The following MCC variants were observed in gnomAD, a reference collection of about 807,000 sequenced individuals.
MCC encodes MCC regulator of Wnt signaling pathway, also known as colorectal mutant cancer protein.
In MCC, 90 loss-of-function variants were observed where a neutral mutation model predicts 116.2. That is an observed-to-expected ratio of 0.77 (90% confidence interval 0.65 to 0.92). MCC has a LOEUF of 0.92. MCC is among the 40% of genes least tolerant of loss of function. The pLI is 0.00. For synonymous variants in MCC, 578 were observed against 510.5 expected, an observed-to-expected ratio of 1.13 and a Z score of -1.78; for missense variants, 1,516 against 1,312.2, an observed-to-expected ratio of 1.16 and a Z score of -2.40.
intron 3 of MCC, among the ~76,000 whole-genome samples, chr5:113,233,005 A>G (rs1763992566): frequency 1.3e-5 from 2 of 152,202 alleles, no homozygotes; most frequent in South Asian, 2.1e-4. Flanking sequence ...ATAATCTTTT[A>G]TAAGTCTTGT....
At chr5:113,159,879 A>T (rs1319176803) in intron 3 of MCC, among the ~76,000 whole-genome samples, 1 of 152,238 alleles carries the variant, frequency 6.6e-6, no homozygotes, top group Non-Finnish European at 1.5e-5. Flanking sequence ...ATTAAATATA[A>T]TCTAAATTAT....
chr5:113,120,245 C>A (rs537963085), intron 6 of MCC, among the ~76,000 whole-genome samples: 1 of 152,252 alleles, frequency 6.6e-6, no homozygotes, highest in Admixed American at 6.5e-5. Context: ...TTGGTATGAA[C>A]TTAGCATGCT....
intron 13 of MCC, among the ~76,000 whole-genome samples, chr5:113,067,325 G>A (rs1753688770): frequency 6.6e-6 from 1 of 152,182 alleles, no homozygotes; most frequent in Admixed American, 6.5e-5. Flanking sequence ...AAGACACCTG[G>A]AGACCTGGCA....
chr5:113,035,602 T>A (rs1347924340), intron 17 of MCC, among the ~76,000 whole-genome samples: 1 of 152,162 alleles, frequency 6.6e-6, no homozygotes, highest in Non-Finnish European at 1.5e-5. Context: ...CTTGCCCTGA[T>A]GGAATCCTGT....
Position 113,434,037 on chromosome 5 carries a change from C to G in MCC, c.171-48825G>C, listed in dbSNP as rs745637018. 1 of 1,614,074 alleles carries G rather than the reference C, an allele frequency of 6.2e-7. No individual in the cohort carries two copies. Among genetic ancestry groups the G allele is most frequent in the Non-Finnish European group, 8.5e-7 (1 of 1,179,918 alleles). On this transcript the variant is annotated intron_variant, in intron 1 of 18. Coordinates refer to ENST00000408903, the MANE Select transcript of MCC (RefSeq NM_001085377.2). This position sits in a 1 kb window ranked among gnomAD's most constrained non-coding sequence, Gnocchi z 4.2. Reference sequence around the variant, plus strand: ...TGCCTTGGGCTGCATCCAGCAGTGGCTGAGGATCTCGTCGATGTGGAGCCG... The same window carrying G: ...TGCCTTGGGCTGCATCCAGCAGTGGGTGAGGATCTCGTCGATGTGGAGCCG...
At chr5:113,483,904 G>C (rs1772444850) in intron 1 of MCC, among the ~76,000 whole-genome samples, 1 of 152,076 alleles carries the variant, frequency 6.6e-6, no homozygotes, top group Non-Finnish European at 1.5e-5. Flanking sequence ...GGACATGGAT[G>C]GGACTGGAGG....
intron 3 of MCC, among the ~76,000 whole-genome samples, chr5:113,303,592 G>A (rs1030466890): frequency 6.6e-6 from 1 of 152,190 alleles, no homozygotes; most frequent in Non-Finnish European, 1.5e-5. Context: ...ATTAAGTGGT[G>A]GTGATAGAAA....
intron 1 of MCC, among the ~76,000 whole-genome samples, chr5:113,415,805 T>A (rs934732505): frequency 6.6e-6 from 1 of 152,248 alleles, no homozygotes; most frequent in Non-Finnish European, 1.5e-5. Flanking sequence ...CCAGCTTTGT[T>A]CCATTGCTGG....
At position 113,256,670 on chromosome 5, in the gene MCC, G is replaced by C. The variant is rs1333406767; in HGVS notation, c.627+83849C>G. On this transcript the variant is annotated intron_variant, in intron 3 of 18. Coordinates refer to ENST00000408903, the MANE Select transcript of MCC (RefSeq NM_001085377.2). ...GAGGAATATAATGAGTCCACTTCTG[G>C]ACATGTTGACCTTGGGAAGCCTGAG... Among the ~76,000 whole-genome samples, 16 of 152,006 alleles carry C rather than the reference G, an allele frequency of 1.1e-4. 1 individual carries two copies. The highest frequency in any genetic ancestry group is 7.9e-4 in the Admixed American group (12 of 15,244).
At chr5:113,486,568 G>A (rs1772534294) in intron 1 of MCC, among the ~76,000 whole-genome samples, 1 of 152,184 alleles carries the variant, frequency 6.6e-6, no homozygotes, top group South Asian at 2.1e-4. Flanking sequence ...TCCATGCGGG[G>A]AGCGGTGGCT....
chr5:113,282,299 CA>C (rs1766077932), intron 3 of MCC, among the ~76,000 whole-genome samples: 2 of 152,074 alleles, frequency 1.3e-5, no homozygotes, highest in South Asian at 4.1e-4. Context: ...GTTTTAATGC[CA>C]AATAAAGAAG....
chr5:113,414,554 T>A (rs1770088295), intron 1 of MCC, among the ~76,000 whole-genome samples: 1 of 152,224 alleles, frequency 6.6e-6, no homozygotes, highest in Non-Finnish European at 1.5e-5. Flanking sequence ...TTTGTTGGTT[T>A]AAAGTCCGTT....
chr5:113,334,042 T>C (rs934769071), intron 3 of MCC, among the ~76,000 whole-genome samples: 1 of 147,168 alleles, frequency 6.8e-6, no homozygotes, highest in Non-Finnish European at 1.5e-5. Context: ...TTAATACTTT[T>C]ATTAATAAAA....
chr5:113,306,024 T>C (rs560045159), intron 3 of MCC, among the ~76,000 whole-genome samples: 49 of 152,352 alleles, frequency 3.2e-4, no homozygotes, highest in African/African-American at 1.1e-3. Flanking sequence ...GCTCTTTGTA[T>C]ACGGCTTCTT....
At chr5:113,087,374 C>T (rs1270619593) in intron 8 of MCC, among the ~76,000 whole-genome samples, 1 of 152,180 alleles carries the variant, frequency 6.6e-6, no homozygotes, top group African/African-American at 2.4e-5. Context: ...AGACCAGACA[C>T]AGGGCTAAAC....
At position 113,063,903 on chromosome 5, in the gene MCC, G is replaced by A. The variant is rs1467317259; in HGVS notation, c.2213+81C>T. The stretch of plus-strand genomic sequence containing the variant: ...TTCCCAAGCCACACAGTCCCCAAGA[G>A]CTGGGTCACTGCACACCAAGTCCAG... On this transcript the variant is annotated intron_variant, in intron 14 of 18. Coordinates refer to ENST00000408903, the MANE Select transcript of MCC (RefSeq NM_001085377.2). 5 of 1,443,248 alleles carry A rather than the reference G, an allele frequency of 3.5e-6. No individual in the cohort carries two copies. The Admixed American group carries it at 6.4e-5, about 18-fold the overall frequency. 89.4% of individuals were successfully genotyped at this position (1,443,248 alleles called of 1,614,324 possible). A position where few individuals can be genotyped will look rare whatever the true frequency, so the allele number is the denominator to read the frequency against.
chr5:113,271,970 A>G (rs1765635758), intron 3 of MCC, among the ~76,000 whole-genome samples: 1 of 152,220 alleles, frequency 6.6e-6, no homozygotes, highest in Non-Finnish European at 1.5e-5. Flanking sequence ...GAGACAGTTG[A>G]CCATCCTTAA....
At chr5:113,192,070 C>A (rs1762175886) in intron 3 of MCC, among the ~76,000 whole-genome samples, 1 of 152,164 alleles carries the variant, frequency 6.6e-6, no homozygotes, top group Admixed American at 6.5e-5. Context: ...CACTACAGAA[C>A]TAGAAGATGA....
At chr5:113,112,329 G>A (rs923448631) in intron 6 of MCC, among the ~76,000 whole-genome samples, 1 of 152,144 alleles carries the variant, frequency 6.6e-6, no homozygotes, top group Non-Finnish European at 1.5e-5. Context: ...GGAGGTGACT[G>A]GATCATGGGG....
Sources: allele counts gnomAD v4.1 joint callset (sites outside exome capture counted in the v4.1 genomes callset), GRCh38; gene constraint gnomAD v4.1.1; non-coding constraint Gnocchi (gnomAD v3.1); transcripts MANE v1.5; gene names NCBI Gene and HGNC (gene_info 2026-07-23, HGNC 2026-07-21).